DEPDC5: variants seen among roughly 807,000 people sequenced by gnomAD.
The protein encoded by DEPDC5 is DEP domain containing 5, GATOR1 subcomplex subunit.
DEPDC5 carries 73 observed loss-of-function variants against 217.3 expected under a neutral mutation model. The observed-to-expected ratio is 0.34, with a 90% CI of 0.28 to 0.41. The LOEUF (loss-of-function observed/expected upper bound fraction) is 0.41. Among genes scored for constraint, DEPDC5 ranks in the 10% least tolerant of loss-of-function variants. The pLI is 1.00. For missense variants in DEPDC5, 1,675 were observed against 2,070.1 expected (o/e 0.81, Z 3.70); for synonymous variants, 733 against 756.7 (o/e 0.97, Z 0.51).
At chr22:31,822,609 C>A in intron 23 of DEPDC5, 84 bp from the exon 24 acceptor site, 1 of 1,347,832 alleles carries the variant, frequency 7.4e-7, no homozygotes, top group Non-Finnish European at 1.0e-6. Flanking sequence ...TATGAACCTA[C>A]CTCCCACCCC....
intron 38 of DEPDC5, among the ~76,000 whole-genome samples, chr22:31,890,784 G>A (rs1283286820): frequency 6.6e-6 from 1 of 151,684 alleles, no homozygotes; most frequent in Non-Finnish European, 1.5e-5. Flanking sequence ...AGAGTGCAAT[G>A]GTGCGATCTC....
chr22:31,879,043 A>AATATATATAT (rs1555918454), intron 37 of DEPDC5, among the ~76,000 whole-genome samples: 1 of 119,476 alleles, frequency 8.4e-6, no homozygotes, highest in Non-Finnish European at 1.7e-5. Context: ...AAAAAAAAAA[A>AATATATATAT]ATATATATAT....
At chr22:31,765,516 T>G (rs1213887419) in intron 5 of DEPDC5, among the ~76,000 whole-genome samples, 1 of 152,082 alleles carries the variant, frequency 6.6e-6, no homozygotes, top group Non-Finnish European at 1.5e-5. Flanking sequence ...CTTGAACTCC[T>G]GACCTCAGGT....
intron 4 of DEPDC5, among the ~76,000 whole-genome samples, chr22:31,761,241 A>T (rs900455927): frequency 5.3e-5 from 8 of 152,132 alleles, no homozygotes; most frequent in Non-Finnish European, 1.0e-4. Context: ...TTGGCCCCCC[A>T]AAGTGCTGGG....
chr22:31,873,104 G>A lies in DEPDC5; in HGVS notation c.3486-151G>A. Reference sequence around the variant, plus strand: ...GAAACCCCCTATGAGATAACCCCCTGATATAGCTGTTTGGAATTTACTAAA... The same window carrying A: ...GAAACCCCCTATGAGATAACCCCCTAATATAGCTGTTTGGAATTTACTAAA... On this transcript the variant is annotated intron_variant, in intron 34 of 42. Transcript: ENST00000651528. The A allele has an allele frequency of 6.1e-6, 9 of 1,464,642 alleles. No individual in the cohort carries two copies. The Middle Eastern group carries it at 1.1e-3, about 172-fold the overall frequency. 90.7% of individuals were successfully genotyped at this position (1,464,642 alleles called of 1,614,324 possible).
intron 31 of DEPDC5, among the ~76,000 whole-genome samples, chr22:31,851,087 C>CCA (rs2092003444): frequency 6.6e-6 from 1 of 150,456 alleles, no homozygotes; most frequent in Non-Finnish European, 1.5e-5. Context: ...AAAAAAAAAT[C>CCA]CAGTTTTACT....
At chr22:31,853,499 G>A (rs1324509524) in intron 31 of DEPDC5, 1 of 152,172 alleles carries the variant, frequency 6.6e-6, no homozygotes, top group Non-Finnish European at 1.5e-5. Flanking sequence ...TTTTATTTAT[G>A]TGTTTTTCTT....
intron 31 of DEPDC5, among the ~76,000 whole-genome samples, chr22:31,854,007 C>G (rs919172526): frequency 6.6e-6 from 1 of 152,228 alleles, no homozygotes; most frequent in Non-Finnish European, 1.5e-5. Flanking sequence ...TAGGCTGTGT[C>G]TTCCTCCTGC....
intron 33 of DEPDC5, among the ~76,000 whole-genome samples, chr22:31,864,683 A>T (rs2092635956): frequency 6.6e-6 from 1 of 151,184 alleles, no homozygotes; most frequent in African/African-American, 2.4e-5. Context: ...GGGAGGCCAA[A>T]GTACTGGGAT....
At position 31,904,852 on chromosome 22, in the gene DEPDC5, A is replaced by G. The variant is rs1327399355; in HGVS notation, c.4437-1132A>G. On this transcript the variant is annotated intron_variant, in intron 41 of 42. Transcript: ENST00000651528. ...CCATTTAGTTTGCATATTTGACTTC[A>G]TGTATTCTTTGGTAAAAAATTATGG... Among the ~76,000 whole-genome samples the G allele has an allele frequency of 3.3e-5, 5 of 152,288 alleles. No individual in the cohort carries two copies. The East Asian group carries it at 9.6e-4, about 29-fold the overall frequency.
At chr22:31,766,039 A>G (rs2082785463) in intron 5 of DEPDC5, among the ~76,000 whole-genome samples, 1 of 152,128 alleles carries the variant, frequency 6.6e-6, no homozygotes, top group Admixed American at 6.6e-5. Flanking sequence ...AATAATAATA[A>G]CTAAATAAAT....
At chr22:31,869,091 A>G (rs1028839615) in intron 33 of DEPDC5, among the ~76,000 whole-genome samples, 1 of 152,160 alleles carries the variant, frequency 6.6e-6, no homozygotes, top group East Asian at 1.9e-4. Flanking sequence ...CACAAAAAAA[A>G]GTCAGGTATG....
chr22:31,834,656 A>G (rs191041426), intron 25 of DEPDC5, among the ~76,000 whole-genome samples: 1 of 151,870 alleles, frequency 6.6e-6, no homozygotes, highest in Non-Finnish European at 1.5e-5. Flanking sequence ...AGCTGGGATT[A>G]TAGGCGCGCG....
chr22:31,840,063 G>C (rs2091295605), intron 27 of DEPDC5, among the ~76,000 whole-genome samples: 2 of 152,142 alleles, frequency 1.3e-5, no homozygotes, highest in South Asian at 4.1e-4. Flanking sequence ...GCTGGGGAGA[G>C]GATTTATAGC....
chr22:31,887,054 G>C (rs1336032279), intron 38 of DEPDC5, among the ~76,000 whole-genome samples: 5 of 150,286 alleles, frequency 3.3e-5, no homozygotes, highest in African/African-American at 1.2e-4. Flanking sequence ...TTACGCTCCA[G>C]CCTGGACGAC....
intron 4 of DEPDC5, among the ~76,000 whole-genome samples, chr22:31,762,511 C>A (rs2082479776): frequency 6.6e-6 from 1 of 152,182 alleles, no homozygotes; most frequent in African/African-American, 2.4e-5. Flanking sequence ...CGCCTGTAAT[C>A]CCAACACTTT....
At chr22:31,763,633 A>G (rs1169960513) in intron 4 of DEPDC5, among the ~76,000 whole-genome samples, 1 of 147,500 alleles carries the variant, frequency 6.8e-6, no homozygotes, top group Non-Finnish European at 1.5e-5. Context: ...TTTTTTTTTA[A>G]TTTTTGCTCA....
intron 31 of DEPDC5, among the ~76,000 whole-genome samples, chr22:31,852,085 G>T (rs1050912361): frequency 1.3e-5 from 2 of 152,108 alleles, no homozygotes; most frequent in African/African-American, 4.8e-5. Flanking sequence ...TTGAGCCTGG[G>T]AGGTTGAGGC....
intron 12 of DEPDC5, among the ~76,000 whole-genome samples, chr22:31,795,932 A>G (rs923148855): frequency 6.8e-6 from 1 of 147,564 alleles, no homozygotes; most frequent in Non-Finnish European, 1.5e-5. Context: ...GTTTCTCCAT[A>G]TTGGTCAGTC....
Sources: allele counts gnomAD v4.1 joint callset (sites outside exome capture counted in the v4.1 genomes callset), GRCh38; gene constraint gnomAD v4.1.1; transcripts MANE v1.5; gene names NCBI Gene and HGNC (gene_info 2026-07-23, HGNC 2026-07-21).